The following F8 variants were observed in gnomAD, a reference collection of about 807,000 sequenced individuals.
F8 encodes antihemophilic factor.
F8 carries 12 observed loss-of-function variants against 140.6 expected under a neutral mutation model. The observed-to-expected ratio is 0.09, with a 90% CI of 0.05 to 0.14. F8 has a LOEUF of 0.14. F8 is among the 10% of genes least tolerant of loss of function. F8 has a pLI of 1.00. For synonymous variants in F8, 585 were observed against 614.6 expected (o/e 0.95, Z 0.71); for missense variants, 1,354 against 1,720.7 (o/e 0.79, Z 3.77).
intron 4 of F8, among the ~76,000 whole-genome samples, chrX:154,992,120 T>C (rs1456475365): frequency 8.9e-6 from 1 of 111,764 alleles, no homozygotes; most frequent in Non-Finnish European, 1.9e-5. Context: ...AAAGTCACCT[T>C]TGGGATGATT....
intron 6 of F8, among the ~76,000 whole-genome samples, chrX:154,976,315 G>A (rs184309154): frequency 2.5e-4 from 28 of 111,511 alleles, no homozygotes; most frequent in African/African-American, 9.1e-4. Flanking sequence ...TTCGCTTTCA[G>A]TCTATGTGTG....
chrX:155,003,277 C>T (rs1557285797), intron 1 of F8, among the ~76,000 whole-genome samples: 3 of 110,844 alleles, frequency 2.7e-5, no homozygotes, highest in Non-Finnish European at 3.8e-5. Flanking sequence ...AAAAGAAATG[C>T]TAGAGATCAA....
chrX:154,898,967 A>G (rs782581491), intron 21 of F8, among the ~76,000 whole-genome samples: 8 of 112,202 alleles, frequency 7.1e-5, no homozygotes, highest in South Asian at 7.4e-4. Flanking sequence ...GAATGTTATT[A>G]CAAAAAATTA....
chrX:155,021,342 T>C (rs781794808), intron 1 of F8, among the ~76,000 whole-genome samples: 4 of 111,031 alleles, frequency 3.6e-5, no homozygotes, highest in Non-Finnish European at 7.6e-5. Flanking sequence ...AAAAAGAATA[T>C]AAAGTATGTA....
intron 13 of F8, among the ~76,000 whole-genome samples, chrX:154,941,285 A>G (rs2073261182): frequency 8.9e-6 from 1 of 111,841 alleles, no homozygotes; most frequent in African/African-American, 3.3e-5. Context: ...CACGTGCAGA[A>G]ACACACATAG....
chrX:154,839,508 G>A (rs1310231554), intron 25 of F8, among the ~76,000 whole-genome samples: 1 of 109,436 alleles, frequency 9.1e-6, no homozygotes, highest in Non-Finnish European at 1.9e-5. Flanking sequence ...GACTACAGGT[G>A]CCCGCCACCA....
intron 25 of F8, among the ~76,000 whole-genome samples, chrX:154,855,895 A>G (rs782716537): frequency 9.0e-6 from 1 of 111,634 alleles, no homozygotes; most frequent in Non-Finnish European, 1.9e-5. Context: ...ACAAGCAGGA[A>G]TCCAGAGAAT....
At chrX:154,962,358 T>C (rs2073399330) in intron 9 of F8, among the ~76,000 whole-genome samples, 1 of 112,418 alleles carries the variant, frequency 8.9e-6, no homozygotes, top group South Asian at 3.7e-4. Flanking sequence ...GGAAGTATTC[T>C]CTGCACCTTC....
intron 22 of F8, among the ~76,000 whole-genome samples, chrX:154,872,797 A>T (rs1411717196): frequency 9.0e-6 from 1 of 111,728 alleles, no homozygotes; most frequent in Admixed American, 9.5e-5. Flanking sequence ...AACTCTAAAG[A>T]CTCAAAAAAA....
intron 20 of F8, among the ~76,000 whole-genome samples, chrX:154,900,449 G>T (rs1158993341): frequency 9.0e-6 from 1 of 111,256 alleles, no homozygotes; most frequent in Non-Finnish European, 1.9e-5. Flanking sequence ...GGCCAGGCTG[G>T]TCTTGAACTC....
chrX:155,006,117 T>C (rs2073675683), intron 1 of F8, among the ~76,000 whole-genome samples: 1 of 112,374 alleles, frequency 8.9e-6, no homozygotes, highest in African/African-American at 3.2e-5. Flanking sequence ...AAGTTGTCAG[T>C]ATGTGAACAA....
chrX:154,924,567 G>A (rs781952741), intron 14 of F8, among the ~76,000 whole-genome samples: 2 of 111,706 alleles, frequency 1.8e-5, no homozygotes, highest in African/African-American at 3.3e-5. Context: ...CCTGGAGGAC[G>A]GTGGTCCTCT....
chrX:154,879,603 T>G (rs1288624826), intron 22 of F8, among the ~76,000 whole-genome samples: 4 of 112,219 alleles, frequency 3.6e-5, no homozygotes, highest in Non-Finnish European at 5.6e-5. Flanking sequence ...TAATTGTAAG[T>G]GTTCTGAGCA....
At chrX:154,878,341 A>C (rs2072832556) in intron 22 of F8, among the ~76,000 whole-genome samples, 1 of 108,291 alleles carries the variant, frequency 9.2e-6, no homozygotes, top group Admixed American at 1.0e-4. Context: ...ACTCCACATT[A>C]ATAAAATATA....
intron 15 of F8, 131 bp downstream of exon 15, chrX:154,906,289 C>A: frequency 1.9e-6 from 1 of 536,858 alleles, no homozygotes; most frequent in African/African-American, 2.4e-5. Flanking sequence ...AAAAATAGAA[C>A]GTACACAAAG....
chrX:154,879,826 G>GTGTA (rs1225020798), intron 22 of F8, among the ~76,000 whole-genome samples: 1 of 111,245 alleles, frequency 9.0e-6, no homozygotes, highest in African/African-American at 3.3e-5. Context: ...TGGTTTAAAA[G>GTGTA]TGTATGACAT....
intron 11 of F8, 52 bp from the exon 12 acceptor site, chrX:154,954,094 G>C: frequency 8.8e-7 from 1 of 1,136,211 alleles, no homozygotes; most frequent in African/African-American, 1.8e-5. Flanking sequence ...GATGTTGTCA[G>C]GTAGGAGCTA....
chrX:154,840,205 C>A (rs1250079180), intron 25 of F8, among the ~76,000 whole-genome samples: 1 of 112,145 alleles, frequency 8.9e-6, no homozygotes, highest in African/African-American at 3.2e-5. Flanking sequence ...AAGCTTTTAT[C>A]CAATGGTATT....
intron 14 of F8, among the ~76,000 whole-genome samples, chrX:154,914,909 C>A (rs369703268): frequency 2.7e-5 from 3 of 111,639 alleles, no homozygotes; most frequent in African/African-American, 6.5e-5. Flanking sequence ...CAGTGCCCCC[C>A]CTACCTCGGT....
Sources: gnomAD v4.1 joint callset for allele counts (sites outside exome capture counted in the v4.1 genomes callset) on GRCh38, gnomAD v4.1.1 for gene constraint, MANE v1.5 for transcripts, NCBI Gene and HGNC (gene_info 2026-07-23, HGNC 2026-07-21) for gene names.